STK39: variants seen among roughly 807,000 people sequenced by gnomAD.
STK39 encodes the protein STE20/SPS1-related proline-alanine-rich protein kinase.
Under a neutral mutation model 77.8 loss-of-function variants are expected in STK39, and 20 were observed. That is an observed-to-expected ratio of 0.26 (90% CI 0.18 to 0.37). The LOEUF (loss-of-function observed/expected upper bound fraction) is 0.37, where lower values mean the gene tolerates loss of function less well. STK39 is among the 10% of genes least tolerant of loss of function. The pLI is 1.00. For missense variants in STK39, 479 were observed against 656.5 expected (o/e 0.73, Z 2.95); for synonymous variants, 246 against 234.1 (o/e 1.05, Z -0.47).
intron 16 of STK39, among the ~76,000 whole-genome samples, chr2:167,978,064 G>A (rs1683326793): frequency 1.3e-5 from 2 of 152,170 alleles, no homozygotes; most frequent in Admixed American, 6.6e-5. Context: ...CAGATTACTA[G>A]TTTGGGTGAT....
chr2:168,225,803 G>A lies in STK39; in HGVS notation c.208+21425C>T, dbSNP rs891274938. Among the ~76,000 whole-genome samples the A allele has an allele frequency of 2.0e-4, 31 of 152,268 alleles. 1 individual carries two copies. The highest frequency in any genetic ancestry group is 5.3e-4 in the African/African-American group (22 of 41,554). On this transcript the variant is annotated intron_variant, in intron 1 of 17. Transcript: ENST00000355999. The stretch of plus-strand genomic sequence containing the variant: ...GCAGTATTACATAAAACACTCACTA[G>A]TGGTGCCTGCCACACTTGTGATTCC...
chr2:168,223,459 C>G (rs1383885854), intron 1 of STK39, among the ~76,000 whole-genome samples: 1 of 145,102 alleles, frequency 6.9e-6, no homozygotes, highest in Non-Finnish European at 1.5e-5. Flanking sequence ...TGTGGTGAGC[C>G]GAGATTGCGC....
At chr2:168,135,807 G>C (rs995487991) in intron 8 of STK39, among the ~76,000 whole-genome samples, 1 of 152,126 alleles carries the variant, frequency 6.6e-6, no homozygotes, top group African/African-American at 2.4e-5. Flanking sequence ...ACAGTCTATA[G>C]CTGCTTGGTA....
At chr2:168,043,587 G>A (rs901165944) in intron 14 of STK39, among the ~76,000 whole-genome samples, 7 of 152,354 alleles carry the variant, frequency 4.6e-5, no homozygotes, top group Admixed American at 1.3e-4. Context: ...ACACAGCAAA[G>A]AGGAATATAA....
Position 167,956,414 on chromosome 2 carries a change from A to G in STK39, c.1564-844T>C, listed in dbSNP as rs536707749. On this transcript the variant is annotated intron_variant, in intron 17 of 17. Coordinates refer to ENST00000355999, the MANE Select transcript of STK39 (RefSeq NM_013233.3). ...TCTACTAAAATACAAAAAATTAGCC[A>G]GGTTTGGTGGCACACACCTGTAGTG... 1.5e-3 allele frequency among the ~76,000 whole-genome samples: 229 copies of G among 152,012 alleles called. 1 individual carries two copies. The highest frequency in any genetic ancestry group is 4.2e-3 in the South Asian group (20 of 4,808).
At chr2:168,240,823 C>A (rs750533716) in intron 1 of STK39, among the ~76,000 whole-genome samples, 13 of 152,140 alleles carry the variant, frequency 8.5e-5, no homozygotes, top group Non-Finnish European at 1.6e-4. Context: ...CTGGGGCAGG[C>A]AAGGGAGTAC....
At chr2:168,007,937 T>C (rs112563318) in intron 16 of STK39, among the ~76,000 whole-genome samples, 60 of 152,274 alleles carry the variant, frequency 3.9e-4, no homozygotes, top group African/African-American at 1.4e-3. Context: ...AATGCACGAT[T>C]CAGTGGTTTT....
chr2:168,214,468 T>C (rs1264955748), intron 1 of STK39, among the ~76,000 whole-genome samples: 1 of 152,064 alleles, frequency 6.6e-6, no homozygotes, highest in Non-Finnish European at 1.5e-5. Flanking sequence ...GAACAGGTGG[T>C]CGCCAGGGGC....
intron 1 of STK39, among the ~76,000 whole-genome samples, chr2:168,224,061 C>T (rs1690245709): frequency 6.6e-6 from 1 of 151,458 alleles, no homozygotes; most frequent in Admixed American, 6.6e-5. Context: ...CCTCTGTAAA[C>T]ATAAAGAAAA....
intron 1 of STK39, among the ~76,000 whole-genome samples, chr2:168,187,770 T>C (rs1166999460): frequency 6.6e-6 from 1 of 152,202 alleles, no homozygotes; most frequent in African/African-American, 2.4e-5. Context: ...ATATGAACAA[T>C]GTAGCAATAA....
chr2:167,966,183 G>C (rs1559036731), intron 16 of STK39, among the ~76,000 whole-genome samples: 1 of 152,098 alleles, frequency 6.6e-6, no homozygotes, highest in Non-Finnish European at 1.5e-5. Context: ...ACCAATTCCA[G>C]AATAGTTATC....
intron 8 of STK39, 103 bp from the exon 9 acceptor site, chr2:168,129,861 T>C: frequency 1.5e-6 from 2 of 1,326,266 alleles, no homozygotes; most frequent in South Asian, 1.2e-5. Flanking sequence ...GAAGACCAAT[T>C]TTAGTAATAG....
At chr2:167,975,849 G>A (rs1683263094) in intron 16 of STK39, among the ~76,000 whole-genome samples, 1 of 152,286 alleles carries the variant, frequency 6.6e-6, no homozygotes, top group East Asian at 1.9e-4. Flanking sequence ...CTTAGCCAAG[G>A]TCATGCCCTC....
At chr2:168,214,785 G>A (rs1689984691) in intron 1 of STK39, among the ~76,000 whole-genome samples, 3 of 152,218 alleles carry the variant, frequency 2.0e-5, no homozygotes, top group African/African-American at 4.8e-5. Context: ...ATGTTGTACA[G>A]GGTAATTCTG....
chr2:168,196,235 A>G (rs1689466561), intron 1 of STK39, among the ~76,000 whole-genome samples: 1 of 152,252 alleles, frequency 6.6e-6, no homozygotes, highest in Non-Finnish European at 1.5e-5. Flanking sequence ...GTACTTGTTT[A>G]TTCATTGAAC....
At chr2:168,061,295 A>G (rs1465355695) in intron 14 of STK39, among the ~76,000 whole-genome samples, 7 of 152,128 alleles carry the variant, frequency 4.6e-5, no homozygotes, top group African/African-American at 1.7e-4. Context: ...TGCTCAGACC[A>G]CATCTGGAAT....
Position 168,012,662 on chromosome 2 carries a change from G to A in STK39, c.1470C>T (p.Gly490=). 1 of 1,613,698 alleles carries A rather than the reference G, an allele frequency of 6.2e-7. No individual in the cohort carries two copies. Residue 490 remains glycine (G), a synonymous_variant, in exon 16 of 18, where the codon GGC becomes GGT. Transcript: ENST00000355999. ...DGVSQELFSA[G]LVDGHDVVIV... ...TAACTACATCGTGACCATCCACCAA[G>A]CCAGCAGAGAAGAGCTCCTGAGATA...
intron 16 of STK39, among the ~76,000 whole-genome samples, chr2:167,993,947 G>A (rs896753948): frequency 1.3e-5 from 2 of 152,136 alleles, no homozygotes; most frequent in Non-Finnish European, 2.9e-5. Context: ...ATGTTAATAG[G>A]CTAAGGGCAA....
rs869084308 is a variant in STK39, at chr2:168,016,387, C to CAAAAAAA, written c.1429+649_1429+655dup. ...TTTTGTTTGGCTGGTGGCCTTTGTT[C>CAAAAAAA]AAAAAAAAAAAAAAAAAAAAAAAAA... On this transcript the variant is annotated intron_variant, in intron 15 of 17. Transcript: ENST00000355999. Among the ~76,000 whole-genome samples, 141 of 65,680 alleles carry CAAAAAAA rather than the reference C, an allele frequency of 2.1e-3. 8 individuals are homozygous for CAAAAAAA. The highest frequency in any genetic ancestry group is 5.5e-3 in the African/African-American group (99 of 18,032). The allele number at this position is 65,680 out of a possible 152,430, so 43.1% of individuals were successfully genotyped here.
Sources: allele counts gnomAD v4.1 joint callset (sites outside exome capture counted in the v4.1 genomes callset), GRCh38; gene constraint gnomAD v4.1.1; transcripts MANE v1.5; gene names NCBI Gene and HGNC (gene_info 2026-07-23, HGNC 2026-07-21).